Variants in RMDN2 observed in about 807,000 individuals in gnomAD.
RMDN2 encodes the protein regulator of microtubule dynamics protein 2.
Under a neutral mutation model 52.8 loss-of-function variants are expected in RMDN2, and 61 were observed. The ratio of observed to expected loss-of-function variants is 1.16; its 90% CI spans 0.94 to 1.43. RMDN2 has a LOEUF of 1.43. Among genes scored for constraint, RMDN2 ranks in the 40% most tolerant of loss-of-function variants. RMDN2 has a pLI of 0.00. For synonymous variants in RMDN2, 180 were observed against 153.1 expected (o/e 1.18, Z -1.30); for missense variants, 592 against 475.3 (o/e 1.25, Z -2.28).
intron 2 of RMDN2, chr2:37,951,906 A>T (rs1182069791): frequency 1.2e-6 from 2 of 1,613,200 alleles, no homozygotes; most frequent in African/African-American, 2.7e-5. Context: ...ACAAAATGGA[A>T]TTGCCAATGA....
intron 10 of RMDN2, among the ~76,000 whole-genome samples, chr2:38,008,658 C>A (rs1211987791): frequency 1.3e-5 from 2 of 152,136 alleles, no homozygotes; most frequent in East Asian, 3.9e-4. Flanking sequence ...GACTCTTTAT[C>A]CAATTGGCCT....
At chr2:37,933,347 G>A (rs1270150814) in intron 2 of RMDN2, among the ~76,000 whole-genome samples, 8 of 152,202 alleles carry the variant, frequency 5.3e-5, no homozygotes, top group African/African-American at 1.4e-4. Context: ...AGGCGGAGAC[G>A]CTCCTCACTT....
At chr2:37,991,801 A>G (rs1300548134) in intron 7 of RMDN2, among the ~76,000 whole-genome samples, 1 of 152,214 alleles carries the variant, frequency 6.6e-6, no homozygotes, top group East Asian at 1.9e-4. Context: ...CTTGCTTTTA[A>G]GGAACTTAAT....
chr2:37,935,376 A>G (rs1246177940), intron 2 of RMDN2, among the ~76,000 whole-genome samples: 3 of 152,206 alleles, frequency 2.0e-5, no homozygotes, highest in African/African-American at 4.8e-5. Flanking sequence ...TACTCTTAAC[A>G]TTACTTGCTC....
At chr2:38,047,488 T>A (rs1244818969) in intron 10 of RMDN2, among the ~76,000 whole-genome samples, 2 of 152,214 alleles carry the variant, frequency 1.3e-5, no homozygotes, top group Non-Finnish European at 2.9e-5. Context: ...TTCCTAACAT[T>A]ATGCTAAGTG....
At chr2:38,034,526 T>C (rs1450556821) in intron 10 of RMDN2, among the ~76,000 whole-genome samples, 1 of 152,176 alleles carries the variant, frequency 6.6e-6, no homozygotes, top group African/African-American at 2.4e-5. Flanking sequence ...GTATCCCTAA[T>C]GCTGATCCTA....
At chr2:37,930,919 C>T (rs1052731394) in intron 2 of RMDN2, among the ~76,000 whole-genome samples, 2 of 152,168 alleles carry the variant, frequency 1.3e-5, no homozygotes, top group East Asian at 1.9e-4. Context: ...GGGCAGGCAG[C>T]GCATGGGTCT....
At chr2:38,061,396 G>A (rs116818793) in intron 10 of RMDN2, among the ~76,000 whole-genome samples, 1,728 of 152,278 alleles carry the variant, frequency 0.011, 32 homozygotes, top group African/African-American at 0.039. Flanking sequence ...TGTGGAGTGC[G>A]CTGAGATTAT....
chr2:37,950,015 C>G (rs1005677646), intron 2 of RMDN2: 3 of 173,544 alleles, frequency 1.7e-5, no homozygotes, highest in Non-Finnish European at 3.7e-5. Context: ...ATGCTTGTTT[C>G]CTTTGTGGTG....
intron 10 of RMDN2, among the ~76,000 whole-genome samples, chr2:38,009,662 C>T (rs1015115703): frequency 1.3e-5 from 2 of 152,130 alleles, no homozygotes; most frequent in African/African-American, 4.8e-5. Flanking sequence ...CGAACTTCCT[C>T]CTTTAGCTCG....
At chr2:37,924,259 C>A (rs1293766682), upstream of RMDN2, among the ~76,000 whole-genome samples, 3 of 152,100 alleles carry the variant, frequency 2.0e-5, no homozygotes, top group Non-Finnish European at 4.4e-5. Context: ...AAGAGTGTAC[C>A]CATTTTTAAT....
chr2:38,019,631 CAG>C (rs1337247184), downstream of RMDN2, among the ~76,000 whole-genome samples: 1 of 152,178 alleles, frequency 6.6e-6, no homozygotes, highest in African/African-American at 2.4e-5. Flanking sequence ...TGCCCCCTTC[CAG>C]AGTCATACTG....
intron 2 of RMDN2, among the ~76,000 whole-genome samples, chr2:37,949,720 A>C (rs1380229691): frequency 6.6e-6 from 1 of 152,130 alleles, no homozygotes; most frequent in Admixed American, 6.6e-5. Flanking sequence ...TAGAGGCGGT[A>C]GTAGTATTTA....
At chr2:37,983,557 T>C (rs1424198200) in intron 5 of RMDN2, among the ~76,000 whole-genome samples, 1 of 152,176 alleles carries the variant, frequency 6.6e-6, no homozygotes, top group Non-Finnish European at 1.5e-5. Context: ...AATCAGTTGA[T>C]TAAGATTTGA....
upstream of RMDN2, among the ~76,000 whole-genome samples, chr2:37,921,812 T>C (rs140613890): frequency 5.3e-5 from 8 of 152,346 alleles, no homozygotes; most frequent in East Asian, 1.5e-3. Context: ...CTTGAAGCCT[T>C]GGTTTCCTCA....
chr2:37,988,723 A>G (rs751875493), intron 5 of RMDN2, among the ~76,000 whole-genome samples: 2 of 152,250 alleles, frequency 1.3e-5, no homozygotes, highest in Non-Finnish European at 2.9e-5. Context: ...GTAAATGGAT[A>G]TTTTACCTTA....
chr2:37,969,800 A>AT (rs1301226139), intron 2 of RMDN2, among the ~76,000 whole-genome samples: 1 of 151,084 alleles, frequency 6.6e-6, no homozygotes, highest in Non-Finnish European at 1.5e-5. Context: ...GTATTATTGT[A>AT]TTTAGCATAT....
intron 10 of RMDN2, among the ~76,000 whole-genome samples, chr2:38,060,209 T>C (rs1489536068): frequency 6.6e-6 from 1 of 152,030 alleles, no homozygotes; most frequent in Non-Finnish European, 1.5e-5. Flanking sequence ...CCTCCCAAAG[T>C]GCTGGGATTA....
chr2:38,000,302 A>G (rs903770795), intron 8 of RMDN2, among the ~76,000 whole-genome samples: 2 of 152,242 alleles, frequency 1.3e-5, no homozygotes, highest in Non-Finnish European at 2.9e-5. Context: ...AGCCCAGGCC[A>G]TGACCCAGAC....
Sources: gnomAD v4.1 joint callset for allele counts (sites outside exome capture counted in the v4.1 genomes callset) on GRCh38, gnomAD v4.1.1 for gene constraint, MANE v1.5 for transcripts, NCBI Gene and HGNC (gene_info 2026-07-23, HGNC 2026-07-21) for gene names.